Variants in FAF1 observed in about 807,000 individuals in gnomAD.
The protein encoded by FAF1 is FAS-associated factor 1.
FAF1 carries 25 observed loss-of-function variants against 92.5 expected under a neutral mutation model. The observed-to-expected ratio is 0.27, with a 90% CI of 0.20 to 0.38. The LOEUF is 0.38. Among genes scored for constraint, FAF1 ranks in the 10% least tolerant of loss-of-function variants. The pLI is 1.00. For synonymous variants in FAF1, 234 were observed against 273.2 expected (o/e 0.86, Z 1.42); for missense variants, 636 against 793.3 (o/e 0.80, Z 2.38).
intron 18 of FAF1, among the ~76,000 whole-genome samples, chr1:50,445,591 C>A (rs1387917329): frequency 6.6e-6 from 1 of 152,122 alleles, no homozygotes; most frequent in Non-Finnish European, 1.5e-5. Context: ...GAAAAAAGTC[C>A]TGAAATGTTT....
chr1:50,864,468 C>T (rs1644463262), intron 1 of FAF1, among the ~76,000 whole-genome samples: 2 of 152,060 alleles, frequency 1.3e-5, no homozygotes, highest in African/African-American at 2.4e-5. Flanking sequence ...ACCAAAACAG[C>T]ATGGTACTGG....
chr1:50,635,478 T>G (rs1372245537), intron 8 of FAF1, among the ~76,000 whole-genome samples: 1 of 152,156 alleles, frequency 6.6e-6, no homozygotes, highest in Non-Finnish European at 1.5e-5. Flanking sequence ...CAGGCTGGAG[T>G]GCAGTGTCAT....
intron 7 of FAF1, among the ~76,000 whole-genome samples, chr1:50,666,205 C>T (rs766913096): frequency 5.3e-5 from 8 of 151,908 alleles, no homozygotes; most frequent in Admixed American, 2.0e-4. Flanking sequence ...TAAGCAACCG[C>T]GCCCGGCTGG....
chr1:50,449,710 G>A (rs933977816), intron 18 of FAF1, among the ~76,000 whole-genome samples: 7 of 150,890 alleles, frequency 4.6e-5, no homozygotes, highest in Non-Finnish European at 7.4e-5. Flanking sequence ...GGATGGTCTC[G>A]ATCTCTTGAC....
intron 8 of FAF1, among the ~76,000 whole-genome samples, chr1:50,649,835 C>T (rs367981371): frequency 2.0e-5 from 3 of 150,990 alleles, no homozygotes; most frequent in African/African-American, 2.4e-5. Flanking sequence ...TATGATGGCA[C>T]GTGCCTGTAG....
Position 50,923,020 on chromosome 1 carries a change from A to G in FAF1, c.45+36747T>C, listed in dbSNP as rs149304656. 1.2e-3 allele frequency among the ~76,000 whole-genome samples: 181 copies of G among 152,260 alleles called. 3 individuals carry two copies. In the East Asian group the frequency reaches 0.026, roughly 22 times the overall value. On this transcript the variant is annotated intron_variant, in intron 1 of 18. Coordinates refer to ENST00000396153, the MANE Select transcript of FAF1 (RefSeq NM_007051.3). ...TATACCAACAAATTGGAAAACCTAG[A>G]GTAAATGGATAAATTTCTAGATACA...
At chr1:50,765,686 G>T (rs939937560) in intron 4 of FAF1, among the ~76,000 whole-genome samples, 1 of 152,162 alleles carries the variant, frequency 6.6e-6, no homozygotes, top group African/African-American at 2.4e-5. Flanking sequence ...CCCTCTATGG[G>T]CTTCTGGACC....
At chr1:50,951,905 G>A (rs1410082878) in intron 1 of FAF1, among the ~76,000 whole-genome samples, 3 of 152,186 alleles carry the variant, frequency 2.0e-5, no homozygotes, top group Admixed American at 6.5e-5. Flanking sequence ...AAAAAAGAAA[G>A]AAGTGGGATT....
At chr1:50,485,876 A>C (rs2149005387) in intron 17 of FAF1, among the ~76,000 whole-genome samples, 1 of 151,980 alleles carries the variant, frequency 6.6e-6, no homozygotes, top group Middle Eastern at 3.4e-3. Context: ...GAGAGAGAAC[A>C]ACGGAGGAAG....
intron 2 of FAF1, among the ~76,000 whole-genome samples, chr1:50,833,797 AG>A (rs1158539134): frequency 1.3e-5 from 2 of 152,158 alleles, no homozygotes; most frequent in Non-Finnish European, 2.9e-5. Context: ...TCAGGGACAA[AG>A]ACCAGATATC....
chr1:50,636,379 C>T (rs1278960794), intron 8 of FAF1, among the ~76,000 whole-genome samples: 1 of 79,876 alleles, frequency 1.3e-5, no homozygotes, highest in Non-Finnish European at 2.2e-5. Flanking sequence ...GGGGCGTGTC[C>T]TTTTTTTTTT....
intron 5 of FAF1, among the ~76,000 whole-genome samples, chr1:50,741,322 A>G (rs749021258): frequency 2.9e-4 from 44 of 152,258 alleles, no homozygotes; most frequent in Non-Finnish European, 3.8e-4. Flanking sequence ...AAAGATTTCA[A>G]AAAAGGTTTC....
In FAF1 at chr1:50,735,973, C is replaced by A. The variant is rs567036832; in HGVS notation, c.551+2890G>T. Among the ~76,000 whole-genome samples the A allele has an allele frequency of 4.6e-5, 7 of 152,266 alleles. No homozygotes were observed. In the South Asian group the frequency reaches 1.5e-3, roughly 32 times the overall value. ...TTGTCAAGTGATCCTCCCACCTCAG[C>A]CTCCCAAAGTGCTGGTGTTATAGGC... On this transcript the variant is annotated intron_variant, in intron 6 of 18. Transcript: ENST00000396153.
At chr1:50,767,919 G>A (rs565344863) in intron 4 of FAF1, among the ~76,000 whole-genome samples, 144 of 152,202 alleles carry the variant, frequency 9.5e-4, no homozygotes, top group African/African-American at 3.4e-3. Flanking sequence ...GTAACAATCC[G>A]ATGACTGGAT....
In FAF1 at chr1:50,760,639, C is replaced by T. The variant is rs193296563; in HGVS notation, c.368-15864G>A. ...AAATAAAGATGTTGTTTGAAACCAA[C>T]GAGAACAAAGACACAACATACCAGA... On this transcript the variant is annotated intron_variant, in intron 4 of 18. Transcript: ENST00000396153. Among the ~76,000 whole-genome samples, 103 of 152,114 alleles carry T rather than the reference C, an allele frequency of 6.8e-4. 1 individual carries two copies. The East Asian group carries it at 0.01, about 15-fold the overall frequency.
chr1:50,890,262 C>T (rs556730712), intron 1 of FAF1, among the ~76,000 whole-genome samples: 48 of 152,236 alleles, frequency 3.2e-4, no homozygotes, highest in African/African-American at 1.1e-3. Context: ...TGTCTCTGCA[C>T]GTGAGATGGG....
chr1:50,637,522 C>T (rs914173800), intron 8 of FAF1, among the ~76,000 whole-genome samples: 3 of 151,300 alleles, frequency 2.0e-5, no homozygotes, highest in Non-Finnish European at 4.4e-5. Context: ...CATTTCCATA[C>T]AATTTTTGGA....
At chr1:50,526,855 C>T (rs1363172774) in intron 15 of FAF1, among the ~76,000 whole-genome samples, 2 of 150,126 alleles carry the variant, frequency 1.3e-5, no homozygotes, top group African/African-American at 2.5e-5. Flanking sequence ...TGTTACCTGA[C>T]GACTTTTTTT....
intron 6 of FAF1, among the ~76,000 whole-genome samples, chr1:50,722,098 C>T (rs902244815): frequency 1.3e-5 from 2 of 152,122 alleles, no homozygotes; most frequent in South Asian, 2.1e-4. Context: ...AACAAAAATA[C>T]TTAGCCACAG....
Sources: allele counts gnomAD v4.1 joint callset (sites outside exome capture counted in the v4.1 genomes callset), GRCh38; gene constraint gnomAD v4.1.1; transcripts MANE v1.5; gene names NCBI Gene and HGNC (gene_info 2026-07-23, HGNC 2026-07-21).